FSTL5: variants seen among roughly 807,000 people sequenced by gnomAD.
FSTL5 encodes follistatin-related protein 5.
A neutral mutation model predicts 89.1 loss-of-function variants in FSTL5; 62 were observed. The ratio of observed to expected loss-of-function variants is 0.70; its 90% confidence interval spans 0.57 to 0.86. FSTL5 has a LOEUF of 0.86. Among genes scored for constraint, FSTL5 ranks in the 40% least tolerant of loss-of-function variants. The pLI, the probability that FSTL5 is intolerant of heterozygous loss-of-function variation, is 0.00. For synonymous variants in FSTL5, 383 were observed against 346.2 expected (o/e 1.11, Z -1.18); for missense variants, 1,057 against 1,001.6 (o/e 1.06, Z -0.75).
At chr4:161,781,549 C>T (rs555724558) in intron 4 of FSTL5, among the ~76,000 whole-genome samples, 1 of 152,154 alleles carries the variant, frequency 6.6e-6, no homozygotes, top group East Asian at 1.9e-4. Flanking sequence ...TTTAAAGAGC[C>T]GTGATTATTG....
intron 3 of FSTL5, among the ~76,000 whole-genome samples, chr4:162,010,801 C>T (rs1011298889): frequency 2.6e-5 from 4 of 152,084 alleles, no homozygotes; most frequent in African/African-American, 9.7e-5. Context: ...GAATATTATA[C>T]CATTGAATTA....
chr4:161,602,559 T>A (rs906627153), intron 7 of FSTL5, among the ~76,000 whole-genome samples: 2 of 152,088 alleles, frequency 1.3e-5, no homozygotes, highest in Non-Finnish European at 1.5e-5. Flanking sequence ...TCTTAAAGAA[T>A]AATTAATATT....
intron 7 of FSTL5, among the ~76,000 whole-genome samples, chr4:161,648,114 C>G (rs1267112425): frequency 6.6e-6 from 1 of 152,154 alleles, no homozygotes; most frequent in Non-Finnish European, 1.5e-5. Flanking sequence ...ATTCTCCAAG[C>G]CCATGTGTGA....
chr4:161,833,713 T>A (rs1241359574), intron 4 of FSTL5, among the ~76,000 whole-genome samples: 8 of 152,046 alleles, frequency 5.3e-5, no homozygotes, highest in Non-Finnish European at 1.2e-4. Context: ...CCCCTGCCTT[T>A]TTTTGCTTTC....
intron 2 of FSTL5, among the ~76,000 whole-genome samples, chr4:162,074,452 T>C (rs1729755154): frequency 6.6e-6 from 1 of 151,742 alleles, no homozygotes; most frequent in Admixed American, 6.6e-5. Context: ...GGGATACCAG[T>C]GGTACTACGT....
chr4:161,910,709 A>G (rs1733665244), intron 4 of FSTL5, among the ~76,000 whole-genome samples: 1 of 152,150 alleles, frequency 6.6e-6, no homozygotes, highest in Non-Finnish European at 1.5e-5. Context: ...GGACAATCAC[A>G]AAAAGGCCCA....
chr4:162,036,921 G>A (rs1299412325), intron 2 of FSTL5, among the ~76,000 whole-genome samples: 1 of 151,750 alleles, frequency 6.6e-6, no homozygotes, highest in Non-Finnish European at 1.5e-5. Flanking sequence ...TGTACAAAGT[G>A]GGAAAAATTA....
intron 6 of FSTL5, among the ~76,000 whole-genome samples, chr4:161,679,246 G>A (rs1387628183): frequency 6.6e-6 from 1 of 151,592 alleles, no homozygotes; most frequent in African/African-American, 2.4e-5. Flanking sequence ...GGAATAAATA[G>A]TTTCATTGAA....
At chr4:161,683,319 C>A (rs1473589664) in intron 6 of FSTL5, among the ~76,000 whole-genome samples, 1 of 151,686 alleles carries the variant, frequency 6.6e-6, no homozygotes, top group Non-Finnish European at 1.5e-5. Flanking sequence ...TCCATGCAGT[C>A]CATCATTTAC....
chr4:162,015,983 ACT>A (rs1489580499), intron 3 of FSTL5, among the ~76,000 whole-genome samples: 2 of 152,050 alleles, frequency 1.3e-5, no homozygotes, highest in African/African-American at 4.8e-5. Context: ...TTCACTAGCC[ACT>A]CTCTGAGAAA....
intron 4 of FSTL5, among the ~76,000 whole-genome samples, chr4:161,906,435 G>C (rs1293938357): frequency 6.6e-6 from 1 of 152,052 alleles, no homozygotes. Context: ...TTGGAAAATG[G>C]CTGCTTTTTA....
intron 4 of FSTL5, among the ~76,000 whole-genome samples, chr4:161,783,339 T>A (rs571636047): frequency 7.2e-5 from 11 of 152,230 alleles, no homozygotes; most frequent in Admixed American, 1.3e-4. Context: ...CTAATGCTCT[T>A]AAGCAGTTTG....
intron 6 of FSTL5, among the ~76,000 whole-genome samples, chr4:161,689,329 A>G (rs541703527): frequency 2.6e-5 from 4 of 152,254 alleles, no homozygotes; most frequent in Admixed American, 6.5e-5. Context: ...CTATTGCTGC[A>G]TAATCCAGGA....
At chr4:161,900,351 G>A (rs543198521) in intron 4 of FSTL5, among the ~76,000 whole-genome samples, 13 of 152,040 alleles carry the variant, frequency 8.6e-5, no homozygotes, top group East Asian at 3.9e-4. Flanking sequence ...TTAGTAACTC[G>A]GGTTCTCAGC....
At chr4:162,017,828 C>T (rs1042914880) in intron 3 of FSTL5, among the ~76,000 whole-genome samples, 1 of 152,086 alleles carries the variant, frequency 6.6e-6, no homozygotes, top group African/African-American at 2.4e-5. Context: ...TTCCAGAGTC[C>T]CTTATTTAAA....
At chr4:161,732,492 T>A (rs1739646464) in intron 6 of FSTL5, among the ~76,000 whole-genome samples, 1 of 152,012 alleles carries the variant, frequency 6.6e-6, no homozygotes, top group Admixed American at 6.6e-5. Flanking sequence ...CAAGTTTTAA[T>A]TTTGATAAAA....
chr4:161,493,544 T>A (rs544629368), intron 12 of FSTL5, among the ~76,000 whole-genome samples: 2 of 152,034 alleles, frequency 1.3e-5, no homozygotes, highest in Admixed American at 6.6e-5. Context: ...AGACTAAGTA[T>A]TCTTTAAGAC....
chr4:161,791,507 A>G (rs1237676868), intron 4 of FSTL5, among the ~76,000 whole-genome samples: 2 of 152,184 alleles, frequency 1.3e-5, no homozygotes, highest in African/African-American at 4.8e-5. Context: ...CACTACTCAG[A>G]TGTGCTGTTG....
chr4:162,116,005 T>G (rs1731622624), intron 1 of FSTL5, among the ~76,000 whole-genome samples: 1 of 152,028 alleles, frequency 6.6e-6, no homozygotes, highest in African/African-American at 2.4e-5. Flanking sequence ...TAGCATGCCT[T>G]TGAATGAAAA....
Sources: allele counts gnomAD v4.1 joint callset (sites outside exome capture counted in the v4.1 genomes callset), GRCh38; gene constraint gnomAD v4.1.1; transcripts MANE v1.5; gene names NCBI Gene and HGNC (gene_info 2026-07-23, HGNC 2026-07-21).